The following SLIT3 variants were observed in gnomAD, a reference collection of about 807,000 sequenced individuals.
The protein encoded by SLIT3 is slit guidance ligand 3.
A neutral mutation model predicts 184.0 loss-of-function variants in SLIT3; 68 were observed. That is an observed-to-expected ratio of 0.37 (90% CI 0.30 to 0.45). SLIT3 has a LOEUF of 0.45. SLIT3 is among the 20% of genes least tolerant of loss of function. The pLI is 1.00. For synonymous variants in SLIT3, 831 were observed against 828.6 expected (o/e 1.00, Z -0.05); for missense variants, 1,707 against 2,026.0 (o/e 0.84, Z 3.02).
At chr5:169,039,360 A>G (rs1400898871) in intron 4 of SLIT3, among the ~76,000 whole-genome samples, 1 of 139,008 alleles carries the variant, frequency 7.2e-6, no homozygotes, top group Non-Finnish European at 1.5e-5. Flanking sequence ...TCTGTCGCCC[A>G]GGCTGGAGTG....
chr5:168,866,274 C>G (rs1759297758), intron 5 of SLIT3, among the ~76,000 whole-genome samples: 1 of 152,208 alleles, frequency 6.6e-6, no homozygotes, highest in African/African-American at 2.4e-5. Context: ...AACCAGAGGT[C>G]CTTTACCCTC....
At position 168,897,647 on chromosome 5, in the gene SLIT3, T is replaced by TGCACACACAC. The variant is rs3223457; in HGVS notation, c.414-14312_414-14311insGTGTGTGTGC. 1.9e-3 allele frequency among the ~76,000 whole-genome samples: 264 copies of TGCACACACAC among 141,442 alleles called. 3 individuals carry two copies. Among genetic ancestry groups the TGCACACACAC allele is most frequent in the Middle Eastern group, 7.0e-3 (2 of 284 alleles). The allele number at this position is 141,442 out of a possible 152,430, so 92.8% of individuals were successfully genotyped here. On this transcript the variant is annotated intron_variant, in intron 4 of 35. Coordinates refer to ENST00000519560, the MANE Select transcript of SLIT3 (RefSeq NM_003062.4). Reference sequence around the variant, plus strand: ...GAAAGAGGATGGAGACAGGTGCACGTACACACACACACACACACACACACA... The same window carrying TGCACACACAC: ...GAAAGAGGATGGAGACAGGTGCACGTGCACACACACACACACACACACACACACACACACA...
At chr5:169,046,043 A>G (rs922238072) in intron 4 of SLIT3, among the ~76,000 whole-genome samples, 12 of 152,214 alleles carry the variant, frequency 7.9e-5, no homozygotes, top group African/African-American at 2.9e-4. Context: ...GGAGTCACAC[A>G]GACTGAACAG....
chr5:168,881,996 C>T (rs1759972730), intron 5 of SLIT3, among the ~76,000 whole-genome samples: 1 of 152,184 alleles, frequency 6.6e-6, no homozygotes, highest in Non-Finnish European at 1.5e-5. Context: ...GTTCCCTCCA[C>T]CCACCCCCAG....
At chr5:168,746,445 T>TGTGGCGGTGTGTGGTGTGGGG in intron 20 of SLIT3, among the ~76,000 whole-genome samples, 2 of 85,546 alleles carry the variant, frequency 2.3e-5, no homozygotes, top group Non-Finnish European at 4.5e-5. Context: ...GTGGTGTGGG[T>TGTGGCGGTGTGTGGTGTGGGG]GTGGCAGTGT....
At chr5:169,074,869 A>G (rs1230460083) in intron 4 of SLIT3, among the ~76,000 whole-genome samples, 1 of 152,192 alleles carries the variant, frequency 6.6e-6, no homozygotes, top group Admixed American at 6.5e-5. Context: ...GTGGCTCCAG[A>G]GCCACCTGAG....
At chr5:168,696,162 A>G (rs951977028) in intron 28 of SLIT3, 130 bp downstream of exon 28, 2 of 1,153,504 alleles carry the variant, frequency 1.7e-6, no homozygotes, top group East Asian at 2.4e-5. Flanking sequence ...CCCTCTTGGC[A>G]TATCACAGTC....
intron 9 of SLIT3, among the ~76,000 whole-genome samples, chr5:168,804,726 G>A (rs1249558135): frequency 6.6e-6 from 1 of 152,214 alleles, no homozygotes; most frequent in East Asian, 1.9e-4. Flanking sequence ...AGGAATTAAA[G>A]AAAAGCTGGC....
At chr5:169,011,418 T>C (rs1402845305) in intron 4 of SLIT3, among the ~76,000 whole-genome samples, 1 of 152,178 alleles carries the variant, frequency 6.6e-6, no homozygotes, top group East Asian at 1.9e-4. Context: ...GTTTATCATC[T>C]TCCAGGCCAG....
Position 168,736,160 on chromosome 5 carries a change from C to T in SLIT3, c.2271-11676G>A, listed in dbSNP as rs114773379. On this transcript the variant is annotated intron_variant, in intron 20 of 35. Transcript: ENST00000519560. ...CTTATCTGTCATGGTAGCCACTGTA[C>T]CTTCAGCTGCTACCACAGTGTGTGG... Among the ~76,000 whole-genome samples, 464 of 152,280 alleles carry T rather than the reference C, an allele frequency of 3.0e-3. 1 individual carries two copies. The Middle Eastern group carries it at 0.034, about 11-fold the overall frequency.
chr5:168,730,076 T>C (rs1763248851), intron 20 of SLIT3, among the ~76,000 whole-genome samples: 1 of 148,914 alleles, frequency 6.7e-6, no homozygotes, highest in African/African-American at 2.6e-5. Context: ...GTAGCTACAC[T>C]TATATCAGAT....
At chr5:168,736,601 C>A (rs575008462) in intron 20 of SLIT3, among the ~76,000 whole-genome samples, 7 of 151,956 alleles carry the variant, frequency 4.6e-5, no homozygotes, top group Admixed American at 3.9e-4. Context: ...TAGCCAGAAC[C>A]ACTGACAGGT....
intron 4 of SLIT3, among the ~76,000 whole-genome samples, chr5:169,083,978 TCG>T (rs1325288132): frequency 2.0e-5 from 3 of 152,318 alleles, no homozygotes; most frequent in Non-Finnish European, 4.4e-5. Context: ...GTTACTCCCT[TCG>T]CTTGGAGGGC....
In SLIT3 at chr5:168,712,327, G is replaced by T. The variant is rs74996366; in HGVS notation, c.2511C>A (p.Ser837Arg). 6.2e-7 allele frequency: 1 copy of T among 1,614,034 alleles called. No homozygotes were observed. Among genetic ancestry groups the T allele is most frequent in the African/African-American group, 1.3e-5 (1 of 74,926 alleles). Reference sequence around the variant, plus strand: ...GGTCGTTGAAGGAGCCTTCAGGAACGCTGGAAATGTCATTGCCATGGAGGG... The same window carrying T: ...GGTCGTTGAAGGAGCCTTCAGGAACTCTGGAAATGTCATTGCCATGGAGGG... Reference protein sequence around the residue: ...VLTLHGNDISSVPEGSFNDLT... With the variant: ...VLTLHGNDISRVPEGSFNDLT... Residue 837 changes from serine to arginine, a missense_variant, in exon 24 of 36, where the codon AGC (serine) becomes AGA (arginine). Transcript: ENST00000519560.
chr5:168,981,343 G>A (rs144486175), intron 4 of SLIT3, among the ~76,000 whole-genome samples: 260 of 152,280 alleles, frequency 1.7e-3, no homozygotes, highest in Middle Eastern at 0.01. Context: ...AGAGGGTGGG[G>A]ATTGGATCTG....
rs1400544916 is a variant in SLIT3, at chr5:168,974,419, A to G, written c.414-91083T>C. ...AGATCCCAAAAGAAAACAGACTTTT[A>G]AAAAGTAAGTTCCTGTTTGGCTTCT... On this transcript the variant is annotated intron_variant, in intron 4 of 35. Coordinates refer to ENST00000519560, the MANE Select transcript of SLIT3 (RefSeq NM_003062.4). Among the ~76,000 whole-genome samples, 3 of 152,266 alleles carry G rather than the reference A, an allele frequency of 2.0e-5. No individual in the cohort carries two copies. In the East Asian group the frequency reaches 5.8e-4, roughly 29 times the overall value.
chr5:169,257,224 A>T (rs1765989683), intron 1 of SLIT3, among the ~76,000 whole-genome samples: 1 of 152,106 alleles, frequency 6.6e-6, no homozygotes, highest in Admixed American at 6.5e-5. Context: ...TTTCTGCCCC[A>T]TCCTTTACAC....
intron 14 of SLIT3, among the ~76,000 whole-genome samples, chr5:168,766,551 T>A (rs1755352095): frequency 6.6e-6 from 1 of 152,200 alleles, no homozygotes; most frequent in African/African-American, 2.4e-5. Flanking sequence ...TGGAGTCTAT[T>A]ATGAGTGCAG....
chr5:169,300,355 A>G lies in SLIT3; in HGVS notation c.197+158T>C, dbSNP rs1238649369. Among the ~76,000 whole-genome samples the G allele has an allele frequency of 6.6e-6, 1 of 152,190 alleles. No homozygotes were observed. Among genetic ancestry groups the G allele is most frequent in the Non-Finnish European group, 1.5e-5 (1 of 68,036 alleles). On this transcript the variant is annotated intron_variant, in intron 1 of 35. Coordinates refer to ENST00000519560, the MANE Select transcript of SLIT3 (RefSeq NM_003062.4). The surrounding 1 kb of genome is among the most constrained non-coding windows in gnomAD (Gnocchi z 4.1). The stretch of plus-strand genomic sequence containing the variant: ...TCTTTCCAGATCTGACCAAGCCTAC[A>G]GACCCCCAGCTCGGAGAGTGAGGGA...
Sources: allele counts gnomAD v4.1 joint callset (sites outside exome capture counted in the v4.1 genomes callset), GRCh38; gene constraint gnomAD v4.1.1; non-coding constraint Gnocchi (gnomAD v3.1); transcripts MANE v1.5; gene names NCBI Gene and HGNC (gene_info 2026-07-23, HGNC 2026-07-21).